TCF12: variants seen among roughly 807,000 people sequenced by gnomAD.
The protein encoded by TCF12 is DNA-binding protein HTF4.
Under a neutral mutation model 86.0 loss-of-function variants are expected in TCF12, and 45 were observed. The ratio of observed to expected loss-of-function variants is 0.52; its 90% CI spans 0.41 to 0.67. The LOEUF (loss-of-function observed/expected upper bound fraction) is 0.67. Ranked by LOEUF, TCF12 falls within the 30% of genes least tolerant of loss-of-function variation. The probability of loss-of-function intolerance (pLI) is 0.00; values close to 1 mark genes in which losing one functional copy is unlikely to be tolerated. For missense variants in TCF12, 881 were observed against 859.9 expected (o/e 1.02, Z -0.31); for synonymous variants, 330 against 299.6 (o/e 1.10, Z -1.05).
intron 3 of TCF12, among the ~76,000 whole-genome samples, chr15:57,016,187 G>A (rs1191508325): frequency 3.3e-5 from 5 of 152,100 alleles, no homozygotes; most frequent in Non-Finnish European, 5.9e-5. Flanking sequence ...ATTAGTGTTA[G>A]GATTTTATCT....
At chr15:57,041,801 CTTAG>C (rs778534621) in intron 3 of TCF12, among the ~76,000 whole-genome samples, 2 of 152,090 alleles carry the variant, frequency 1.3e-5, no homozygotes, top group Admixed American at 1.3e-4. Context: ...ATAGTAGCCA[CTTAG>C]TTTGTATGAA....
chr15:57,180,888 C>T (rs1457826314), intron 6 of TCF12, among the ~76,000 whole-genome samples: 4 of 130,142 alleles, frequency 3.1e-5, no homozygotes, highest in African/African-American at 9.1e-5. Context: ...GATCTCGGCT[C>T]ACTGCAAGCT....
At chr15:57,111,515 G>A (rs1252097283) in intron 5 of TCF12, among the ~76,000 whole-genome samples, 1 of 151,752 alleles carries the variant, frequency 6.6e-6, no homozygotes, top group Non-Finnish European at 1.5e-5. Flanking sequence ...AGCCACAGGA[G>A]GCCCAACTCC....
At chr15:57,161,251 AGT>A (rs1176719488) in intron 5 of TCF12, among the ~76,000 whole-genome samples, 2 of 152,238 alleles carry the variant, frequency 1.3e-5, no homozygotes, top group Non-Finnish European at 2.9e-5. Context: ...TAAGTATATT[AGT>A]GGTAGAGAGC....
intron 8 of TCF12, among the ~76,000 whole-genome samples, chr15:57,229,060 C>T (rs1330440854): frequency 6.6e-6 from 1 of 151,950 alleles, no homozygotes; most frequent in Non-Finnish European, 1.5e-5. Context: ...TCACATTGTA[C>T]TTTCTGGCTA....
intron 5 of TCF12, among the ~76,000 whole-genome samples, chr15:57,094,510 G>A (rs947583201): frequency 6.6e-6 from 1 of 152,148 alleles, no homozygotes; most frequent in African/African-American, 2.4e-5. Flanking sequence ...ACACCCAAAC[G>A]TGGGTTTATA....
chr15:57,247,000 G>A, intron 13 of TCF12: 1 of 544,318 alleles, frequency 1.8e-6, no homozygotes, highest in Non-Finnish European at 3.6e-6. Flanking sequence ...TCACCACCAT[G>A]GGGAATGCCT....
At chr15:57,023,384 T>C (rs1321771287) in intron 3 of TCF12, among the ~76,000 whole-genome samples, 1 of 152,098 alleles carries the variant, frequency 6.6e-6, no homozygotes, top group Non-Finnish European at 1.5e-5. Flanking sequence ...GAAACTCTCT[T>C]TACCAAACAG....
chr15:57,056,362 G>A (rs1182479504), intron 3 of TCF12, among the ~76,000 whole-genome samples: 2 of 151,852 alleles, frequency 1.3e-5, no homozygotes, highest in African/African-American at 2.4e-5. Flanking sequence ...ATCTGGTCTC[G>A]AACTCCTGAC....
intron 5 of TCF12, among the ~76,000 whole-genome samples, chr15:57,133,519 CTG>C (rs754941978): frequency 3.3e-5 from 5 of 152,172 alleles, no homozygotes; most frequent in Non-Finnish European, 5.9e-5. Context: ...GCCCGATAGA[CTG>C]TGAAATGGTG....
chr15:57,188,272 A>G (rs72731986), intron 6 of TCF12, among the ~76,000 whole-genome samples: 28,468 of 152,046 alleles, frequency 0.19, 3,228 homozygotes, highest in Non-Finnish European at 0.25. Flanking sequence ...TGAACATGAA[A>G]TATAAGACTT....
chr15:57,170,153 A>G (rs190575278), intron 6 of TCF12, among the ~76,000 whole-genome samples: 259 of 152,276 alleles, frequency 1.7e-3, no homozygotes, highest in African/African-American at 6.0e-3. Flanking sequence ...ACTTAAACTC[A>G]TGCTTGAGTG....
At chr15:57,033,569 G>A (rs1262946223) in intron 3 of TCF12, among the ~76,000 whole-genome samples, 3 of 152,040 alleles carry the variant, frequency 2.0e-5, no homozygotes, top group Non-Finnish European at 4.4e-5. Flanking sequence ...TTCTTGGTAT[G>A]TACAACAGTT....
chr15:56,943,182 C>T (rs1213208668), intron 3 of TCF12, among the ~76,000 whole-genome samples: 1 of 152,134 alleles, frequency 6.6e-6, no homozygotes, highest in Non-Finnish European at 1.5e-5. Context: ...AGTTCTGCAA[C>T]TTCACCTTTT....
At chr15:57,275,849 A>G (rs535468681) in intron 19 of TCF12, among the ~76,000 whole-genome samples, 18 of 152,162 alleles carry the variant, frequency 1.2e-4, no homozygotes, top group African/African-American at 2.2e-4. Context: ...CAGGTCTAGC[A>G]GTTCATCCCA....
chr15:57,047,515 G>A (rs575625249), intron 3 of TCF12, among the ~76,000 whole-genome samples: 1 of 152,328 alleles, frequency 6.6e-6, no homozygotes, highest in East Asian at 1.9e-4. Flanking sequence ...AATGGGGGTA[G>A]ATGAGCAAAA....
intron 3 of TCF12, among the ~76,000 whole-genome samples, chr15:57,056,118 T>G (rs574427404): frequency 7.0e-5 from 4 of 56,818 alleles, no homozygotes; most frequent in South Asian, 1.4e-3. Context: ...GTTTTAGGGG[T>G]GTGTGTGTGT....
At chr15:57,278,151 A>G (rs2061492113) in intron 19 of TCF12, among the ~76,000 whole-genome samples, 1 of 152,086 alleles carries the variant, frequency 6.6e-6, no homozygotes, top group African/African-American at 2.4e-5. Context: ...TTTTTCAGAA[A>G]GCATCTGGAA....
chr15:56,982,036 G>C (rs959866567), intron 3 of TCF12, among the ~76,000 whole-genome samples: 4 of 152,172 alleles, frequency 2.6e-5, no homozygotes, highest in African/African-American at 9.7e-5. Context: ...GACCCATGCA[G>C]TTCAAACTTG....
Sources: allele counts gnomAD v4.1 joint callset (sites outside exome capture counted in the v4.1 genomes callset), GRCh38; gene constraint gnomAD v4.1.1; transcripts MANE v1.5; gene names NCBI Gene and HGNC (gene_info 2026-07-23, HGNC 2026-07-21).